TBC1D1: variants seen among roughly 807,000 people sequenced by gnomAD.
TBC1D1 encodes TBC1 (tre-2/USP6, BUB2, cdc16) domain family, member 1.
A neutral mutation model predicts 125.6 loss-of-function variants in TBC1D1; 89 were observed. That is an observed-to-expected ratio of 0.71 (90% CI 0.60 to 0.85). The LOEUF is 0.85. Ranked by LOEUF, TBC1D1 falls within the 40% of genes least tolerant of loss-of-function variation. TBC1D1 has a pLI of 0.00. For synonymous variants in TBC1D1, 565 were observed against 564.1 expected (o/e 1.00, Z -0.02); for missense variants, 1,377 against 1,469.2 (o/e 0.94, Z 1.03).
At chr4:38,033,106 G>C (rs949735253) in intron 7 of TBC1D1, among the ~76,000 whole-genome samples, 2 of 152,180 alleles carry the variant, frequency 1.3e-5, no homozygotes, top group African/African-American at 4.8e-5. Flanking sequence ...GTAGTATACT[G>C]TTCCCAGTTG....
intron 2 of TBC1D1, chr4:37,960,332 T>C: frequency 9.0e-7 from 1 of 1,105,982 alleles, no homozygotes; most frequent in Non-Finnish European, 1.3e-6. Flanking sequence ...GCACAAAAAT[T>C]AGATATTACA....
chr4:38,053,179 G>T, intron 11 of TBC1D1: 4 of 1,533,598 alleles, frequency 2.6e-6, no homozygotes, highest in African/African-American at 1.4e-5. Context: ...AAAATTTCTG[G>T]CTCCTGTAGA....
In TBC1D1 at chr4:37,956,712, C is replaced by T. The variant is rs4618323; in HGVS notation, c.417+54200C>T. Among the ~76,000 whole-genome samples the T allele has an allele frequency of 2.5e-3, 379 of 152,040 alleles. 1 individual carries two copies. The highest frequency in any genetic ancestry group is 8.6e-3 in the African/African-American group (356 of 41,476). The stretch of plus-strand genomic sequence containing the variant: ...CTCTAATCCCAGCACTTTGGGAGAC[C>T]GAGATGGGCAGATCACTTGAGGTCA... On this transcript the variant is annotated intron_variant, in intron 2 of 19. Transcript: ENST00000261439.
At position 37,975,601 on chromosome 4, in the gene TBC1D1, C is replaced by T. The variant is rs146197689; in HGVS notation, c.418-38908C>T. On this transcript the variant is annotated intron_variant, in intron 2 of 19. Coordinates refer to ENST00000261439, the MANE Select transcript of TBC1D1 (RefSeq NM_015173.4). Reference sequence around the variant, plus strand: ...AGACCACAGTCCACTTGGCAACAGGCGTCTTCCCAGATGCTGGTGTTACCG... The same window carrying T: ...AGACCACAGTCCACTTGGCAACAGGTGTCTTCCCAGATGCTGGTGTTACCG... Among the ~76,000 whole-genome samples the T allele has an allele frequency of 7.0e-3, 1,063 of 152,322 alleles. 11 individuals carry two copies. Among genetic ancestry groups the T allele is most frequent in the African/African-American group, 0.024 (1,006 of 41,558 alleles).
intron 2 of TBC1D1, among the ~76,000 whole-genome samples, chr4:37,934,914 C>T (rs754594818): frequency 6.6e-6 from 1 of 152,100 alleles, no homozygotes; most frequent in Admixed American, 6.5e-5. Context: ...CTTGCTTCCT[C>T]GTAATCTTTA....
At chr4:37,975,554 T>G (rs190039244) in intron 2 of TBC1D1, among the ~76,000 whole-genome samples, 1 of 152,230 alleles carries the variant, frequency 6.6e-6, no homozygotes, top group Non-Finnish European at 1.5e-5. Flanking sequence ...GGGTGTTTTT[T>G]GTTGACACTA....
Position 37,976,819 on chromosome 4 carries a change from A to G in TBC1D1, c.418-37690A>G, listed in dbSNP as rs373654960. 7.2e-5 allele frequency among the ~76,000 whole-genome samples: 11 copies of G among 152,312 alleles called. No individual in the cohort carries two copies. The East Asian group carries it at 1.5e-3, about 21-fold the overall frequency. ...TAAAGCCTCCTGGCAGGCAGGAGCT[A>G]AATGGTTCTTTTTCCTCTGCCCCAC... On this transcript the variant is annotated intron_variant, in intron 2 of 19. Coordinates refer to ENST00000261439, the MANE Select transcript of TBC1D1 (RefSeq NM_015173.4).
intron 2 of TBC1D1, among the ~76,000 whole-genome samples, chr4:37,999,761 T>G (rs1196402744): frequency 6.6e-6 from 1 of 152,226 alleles, no homozygotes; most frequent in Non-Finnish European, 1.5e-5. Context: ...ATTAACAGTT[T>G]ATTGAAATGA....
chr4:38,137,152 C>A lies in TBC1D1; in HGVS notation c.3324C>A (p.Ile1108=). 1 of 1,613,472 alleles carries A rather than the reference C, an allele frequency of 6.2e-7. No homozygotes were observed. Among genetic ancestry groups the A allele is most frequent in the South Asian group, 1.1e-5 (1 of 91,042 alleles). ...TTCTCCAGGTGGCAAATGGTAGGAT[C>A]CAAAGCCTTGAGGCCACCATTGAGA... Residue 1108 remains isoleucine, a synonymous_variant, in exon 20 of 20, where the codon ATC becomes ATA. Transcript: ENST00000261439.
intron 11 of TBC1D1, 21 bp from the exon 14 acceptor site, chr4:38,054,178 T>G: frequency 1.9e-6 from 3 of 1,611,998 alleles, no homozygotes; most frequent in Non-Finnish European, 2.5e-6. Flanking sequence ...TAGTCATAAA[T>G]CAATCATCTT....
chr4:37,957,537 T>C (rs770842553), intron 2 of TBC1D1, among the ~76,000 whole-genome samples: 2 of 152,192 alleles, frequency 1.3e-5, no homozygotes, highest in African/African-American at 2.4e-5. Context: ...GAGGATTGCC[T>C]GAGCCTAAGA....
chr4:37,926,207 A>G (rs541025070), intron 2 of TBC1D1, among the ~76,000 whole-genome samples: 108 of 152,354 alleles, frequency 7.1e-4, no homozygotes, highest in Non-Finnish European at 1.2e-3. Flanking sequence ...CTCGAATGCC[A>G]GAGGCAGAAA....
At chr4:37,939,825 A>T (rs1725166519) in intron 2 of TBC1D1, among the ~76,000 whole-genome samples, 1 of 152,162 alleles carries the variant, frequency 6.6e-6, no homozygotes, top group Non-Finnish European at 1.5e-5. Flanking sequence ...CAAAGATCAG[A>T]TGGTTATAGA....
intron 15 of TBC1D1, among the ~76,000 whole-genome samples, chr4:38,106,499 C>G (rs1340055181): frequency 6.6e-6 from 1 of 152,154 alleles, no homozygotes; most frequent in Non-Finnish European, 1.5e-5. Flanking sequence ...CATTTGCTGA[C>G]ATGGTGAGTT....
chr4:37,927,451 T>C (rs190883803), intron 2 of TBC1D1, among the ~76,000 whole-genome samples: 309 of 152,328 alleles, frequency 2.0e-3, no homozygotes, highest in African/African-American at 6.9e-3. Context: ...CTCTTATATC[T>C]ATTGCTGTTT....
intron 12 of TBC1D1, among the ~76,000 whole-genome samples, chr4:38,067,815 G>A (rs78396145): frequency 0.021 from 3,128 of 152,250 alleles, 52 homozygotes; most frequent in South Asian, 0.055. Flanking sequence ...AAAAGTCACC[G>A]AGTTTCCATT....
intron 2 of TBC1D1, among the ~76,000 whole-genome samples, chr4:37,981,880 C>T (rs753506131): frequency 3.3e-5 from 5 of 152,026 alleles, no homozygotes; most frequent in Admixed American, 6.5e-5. Context: ...GGTTTTGGTT[C>T]GGATAGGAGG....
intron 2 of TBC1D1, among the ~76,000 whole-genome samples, chr4:37,921,136 A>G (rs1355023112): frequency 6.9e-6 from 1 of 145,208 alleles, no homozygotes; most frequent in Non-Finnish European, 1.5e-5. Flanking sequence ...AAAAAAAAAG[A>G]ATGGAGACAA....
intron 2 of TBC1D1, among the ~76,000 whole-genome samples, chr4:38,011,488 G>A (rs1741495084): frequency 1.3e-5 from 2 of 152,132 alleles, no homozygotes. Context: ...CTAACTTAAA[G>A]TAATGTTTAA....
Sources: gnomAD v4.1 joint callset for allele counts (sites outside exome capture counted in the v4.1 genomes callset) on GRCh38, gnomAD v4.1.1 for gene constraint, MANE v1.5 for transcripts, NCBI Gene and HGNC (gene_info 2026-07-23, HGNC 2026-07-21) for gene names.